Variants in STN1 observed in about 807,000 individuals in gnomAD.
The protein encoded by STN1 is STN1 subunit of CST complex, also known as CST complex subunit STN1.
In STN1, 29 loss-of-function variants were observed where a neutral mutation model predicts 45.5. The observed-to-expected ratio is 0.64, with a 90% confidence interval of 0.47 to 0.87. The LOEUF is 0.87. Ranked by LOEUF, STN1 falls within the 40% of genes least tolerant of loss-of-function variation. The pLI is 0.00. For synonymous variants in STN1, 148 were observed against 159.0 expected (o/e 0.93, Z 0.52); for missense variants, 376 against 441.4 (o/e 0.85, Z 1.33).
At chr10:103,904,506 G>A (rs1160000260) in intron 4 of STN1, among the ~76,000 whole-genome samples, 2 of 151,316 alleles carry the variant, frequency 1.3e-5, no homozygotes, top group African/African-American at 4.9e-5. Context: ...AACTCCAAAT[G>A]TTGTTTCAGT....
chr10:103,887,481 T>C (rs953932013), intron 9 of STN1, among the ~76,000 whole-genome samples: 2 of 152,192 alleles, frequency 1.3e-5, no homozygotes, highest in Non-Finnish European at 2.9e-5. Context: ...TTGGAGTGGA[T>C]TTTTGCACTG....
chr10:103,908,190 C>T (rs1843256180), intron 3 of STN1, among the ~76,000 whole-genome samples: 1 of 152,004 alleles, frequency 6.6e-6, no homozygotes, highest in Non-Finnish European at 1.5e-5. Context: ...TCATTCTGGT[C>T]TTGACTGTAG....
intron 4 of STN1, among the ~76,000 whole-genome samples, chr10:103,903,254 A>G (rs987637664): frequency 1.3e-5 from 2 of 152,234 alleles, no homozygotes; most frequent in African/African-American, 4.8e-5. Context: ...CACAAACAGA[A>G]AATATGGCCC....
rs1564635131 is a variant in STN1, at chr10:103,909,490, G to GTATATATGTATATATA, written c.229+1036_229+1037insTATATATACATATATA. Reference sequence around the variant, plus strand: ...TATATGTATATATGTATATATATGTGTGTGTGTATATGTATATATGTATAT... The same window carrying GTATATATGTATATATA: ...TATATGTATATATGTATATATATGTGTATATATGTATATATATGTGTGTATATGTATATATGTATAT... On this transcript the variant is annotated intron_variant, in intron 3 of 9. Transcript: ENST00000224950. 3.2e-4 allele frequency among the ~76,000 whole-genome samples: 10 copies of GTATATATGTATATATA among 31,608 alleles called. 3 individuals are homozygous for GTATATATGTATATATA. Among genetic ancestry groups the GTATATATGTATATATA allele is most frequent in the East Asian group, 3.6e-3 (2 of 552 alleles). 20.7% of individuals were successfully genotyped at this position (31,608 alleles called of 152,430 possible). A position where few individuals can be genotyped will look rare whatever the true frequency, so the allele number is the denominator to read the frequency against.
rs951215515 is a variant in STN1, at chr10:103,910,763, T to C, written c.134-141A>G. On this transcript the variant is annotated intron_variant, in intron 2 of 9. Transcript: ENST00000224950. The stretch of plus-strand genomic sequence containing the variant: ...AAATTCTAGACTTAAGAATCAGTCC[T>C]TGACAAATGACAACGCCCCAAGAAA... 12 of 560,076 alleles carry C rather than the reference T, an allele frequency of 2.1e-5. No homozygotes were observed. The Middle Eastern group carries it at 2.9e-3, about 136-fold the overall frequency. The allele number at this position is 560,076 out of a possible 1,614,324, so 34.7% of individuals were successfully genotyped here.
chr10:103,885,034 CCACCA>C (rs1202108399), intron 9 of STN1, among the ~76,000 whole-genome samples: 5 of 152,112 alleles, frequency 3.3e-5, no homozygotes, highest in Non-Finnish European at 7.4e-5. Flanking sequence ...CCACTGGAGT[CCACCA>C]CACCAGAATT....
chr10:103,909,248 T>C (rs945354045), intron 3 of STN1, among the ~76,000 whole-genome samples: 1 of 150,270 alleles, frequency 6.7e-6, no homozygotes, highest in Non-Finnish European at 1.5e-5. Flanking sequence ...ACTTAGTAAA[T>C]ATTTGTTGAG....
intron 2 of STN1, among the ~76,000 whole-genome samples, chr10:103,914,361 TATATATATATATA>T (rs1337850849): frequency 0.21 from 7,411 of 34,574 alleles, 772 homozygotes; most frequent in South Asian, 0.37. Flanking sequence ...TATATATATA[TATATATATATATA>T]TTTTTTTTTT....
intron 8 of STN1, among the ~76,000 whole-genome samples, chr10:103,891,868 C>G (rs1034462819): frequency 2.0e-5 from 3 of 152,168 alleles, no homozygotes; most frequent in Admixed American, 2.0e-4. Flanking sequence ...GGTTTCACAT[C>G]TGCAAATACT....
At chr10:103,904,996 T>TTTA in intron 4 of STN1, 95 bp downstream of exon 4, 2 of 1,041,232 alleles carry the variant, frequency 1.9e-6, no homozygotes, top group Non-Finnish European at 3.0e-6. Flanking sequence ...AGCAGATAAA[T>TTTA]GTGAAAATTT....
chr10:103,904,478 A>T (rs1040261087), intron 4 of STN1, among the ~76,000 whole-genome samples: 1 of 151,938 alleles, frequency 6.6e-6, no homozygotes, highest in East Asian at 1.9e-4. Flanking sequence ...TCTAAAAATT[A>T]TTAAAATATA....
chr10:103,883,102 T>C (rs1331912714), intron 9 of STN1, among the ~76,000 whole-genome samples: 2 of 152,178 alleles, frequency 1.3e-5, no homozygotes, highest in Non-Finnish European at 2.9e-5. Context: ...CAATCAAAGA[T>C]TTTTTTATCT....
rs756683816 is a variant in STN1 at position 103,900,109 on chromosome 10, C to T, written c.410G>A (p.Ser137Asn). 8 of 1,614,084 alleles carry T rather than the reference C, an allele frequency of 5.0e-6. No individual in the cohort carries two copies. The African/African-American group carries it at 5.3e-5, about 11-fold the overall frequency. Residue 137 changes from serine to asparagine, a missense_variant, in exon 5 of 10, where the codon AGT (serine) becomes AAT (asparagine). Transcript: ENST00000224950. ...EIGDTIRVRG[S>N]IRTYREEREI... ...TCGCTCTTCTCTGTATGTGCGGATA[C>T]TGCCTCTGACTCGGATCGTGTCCCC...
chr10:103,888,863 T>C lies in STN1; in HGVS notation c.949+209A>G, dbSNP rs184704846. Reference sequence around the variant, plus strand: ...CAGAGGGCTCCAAGGTTGAATCTTATGTACAGCCAAGATCACAACAACTGT... The same window carrying C: ...CAGAGGGCTCCAAGGTTGAATCTTACGTACAGCCAAGATCACAACAACTGT... On this transcript the variant is annotated intron_variant, in intron 9 of 9. Transcript: ENST00000224950. 2.9e-4 allele frequency among the ~76,000 whole-genome samples: 44 copies of C among 152,310 alleles called. No homozygotes were observed. In the East Asian group the frequency reaches 5.8e-3, roughly 20 times the overall value.
chr10:103,892,062 T>A, intron 8 of STN1, 68 bp downstream of exon 8: 1 of 1,275,742 alleles, frequency 7.8e-7, no homozygotes, highest in Admixed American at 2.5e-5. Context: ...TAAGTGGTTA[T>A]TCATAAGTAA....
intron 3 of STN1, among the ~76,000 whole-genome samples, chr10:103,905,389 A>G (rs748998484): frequency 1.7e-4 from 26 of 152,200 alleles, no homozygotes; most frequent in Non-Finnish European, 3.5e-4. Flanking sequence ...TATGGTCAGC[A>G]TTTCACTTAT....
At chr10:103,914,356 A>ATTTTTTTTTTTTTTT (rs1564636108) in intron 2 of STN1, among the ~76,000 whole-genome samples, 2 of 19,144 alleles carry the variant, frequency 1.0e-4, no homozygotes, top group Non-Finnish European at 1.2e-4. Flanking sequence ...ATATATATAT[A>ATTTTTTTTTTTTTTT]TATATATATA....
chr10:103,917,712 C>T (rs2134380818), intron 1 of STN1, 56 bp from the exon 2 acceptor site: 1 of 1,162,892 alleles, frequency 8.6e-7, no homozygotes, highest in African/African-American at 1.5e-5. Context: ...CAAAGTGGCA[C>T]GGCCCTGACG....
intron 7 of STN1, among the ~76,000 whole-genome samples, chr10:103,896,415 C>G (rs1843171341): frequency 6.6e-6 from 1 of 152,046 alleles, no homozygotes; most frequent in Non-Finnish European, 1.5e-5. Flanking sequence ...CAAGGAGGGA[C>G]ATTTAAGCTG....
Sources: gnomAD v4.1 joint callset for allele counts (sites outside exome capture counted in the v4.1 genomes callset) on GRCh38, gnomAD v4.1.1 for gene constraint, MANE v1.5 for transcripts, NCBI Gene and HGNC (gene_info 2026-07-23, HGNC 2026-07-21) for gene names.